Variants in RFX7 observed in about 807,000 individuals in gnomAD.
RFX7 encodes the protein regulatory factor X7, also known as DNA-binding protein RFX7.
A neutral mutation model predicts 111.8 loss-of-function variants in RFX7; 26 were observed. That is an observed-to-expected ratio of 0.23 (90% CI 0.17 to 0.32). RFX7 has a LOEUF of 0.32. RFX7 is among the 10% of genes least tolerant of loss of function. The pLI is 1.00. For synonymous variants in RFX7, 624 were observed against 624.4 expected (o/e 1.00, Z 0.01); for missense variants, 1,573 against 1,772.9 (o/e 0.89, Z 2.02).
chr15:56,231,207 A>G (rs1329177639), intron 2 of RFX7, among the ~76,000 whole-genome samples: 2 of 152,192 alleles, frequency 1.3e-5, no homozygotes, highest in Admixed American at 6.5e-5. Flanking sequence ...CAGAACAGCT[A>G]TGTTGCTGCT....
At chr15:56,169,180 G>A (rs1279805826) in intron 3 of RFX7, among the ~76,000 whole-genome samples, 1 of 152,186 alleles carries the variant, frequency 6.6e-6, no homozygotes, top group East Asian at 1.9e-4. Context: ...ACAAAGGCCT[G>A]GAGAGGGAGG....
intron 5 of RFX7, among the ~76,000 whole-genome samples, chr15:56,108,277 C>A (rs1431628297): frequency 1.3e-5 from 2 of 152,166 alleles, no homozygotes; most frequent in African/African-American, 4.8e-5. Flanking sequence ...GTATCCCTGA[C>A]GAACATCAAT....
At chr15:56,135,499 T>C (rs1320061550) in intron 5 of RFX7, among the ~76,000 whole-genome samples, 2 of 152,030 alleles carry the variant, frequency 1.3e-5, no homozygotes, top group Non-Finnish European at 2.9e-5. Context: ...GAGTTCATTG[T>C]AGATTCTGGA....
chr15:56,172,795 A>G (rs1022448889), intron 3 of RFX7, among the ~76,000 whole-genome samples: 9 of 152,232 alleles, frequency 5.9e-5, no homozygotes, highest in African/African-American at 2.2e-4. Context: ...ATAAATCACT[A>G]AAGAAAAAGA....
intron 5 of RFX7, among the ~76,000 whole-genome samples, chr15:56,114,140 C>G (rs777217153): frequency 6.6e-6 from 1 of 152,068 alleles, no homozygotes; most frequent in Admixed American, 6.5e-5. Context: ...TGTGGTGGCT[C>G]ATGCCTGTAT....
At chr15:56,225,261 C>G (rs1299249226) in intron 2 of RFX7, among the ~76,000 whole-genome samples, 1 of 152,064 alleles carries the variant, frequency 6.6e-6, no homozygotes, top group African/African-American at 2.4e-5. Flanking sequence ...CACATGTAAC[C>G]TCAGCTATAT....
At chr15:56,108,638 C>G (rs1028318851) in intron 5 of RFX7, among the ~76,000 whole-genome samples, 1 of 152,096 alleles carries the variant, frequency 6.6e-6, no homozygotes, top group East Asian at 1.9e-4. Flanking sequence ...AAAACCGGCA[C>G]AAGACAAGAA....
chr15:56,103,758 C>T (rs1337362333), intron 5 of RFX7, 88 bp from the exon 6 acceptor site: 2 of 730,130 alleles, frequency 2.7e-6, no homozygotes, highest in Non-Finnish European at 4.5e-6. Flanking sequence ...ATCCTTCTGA[C>T]AAAGTGAAGC....
chr15:56,243,065 C>CCCCA, intron 2 of RFX7, 60 bp downstream of exon 2: 2 of 1,152,164 alleles, frequency 1.7e-6, no homozygotes, highest in Non-Finnish European at 2.4e-6. Flanking sequence ...CGCCCCCCAC[C>CCCCA]CACTTTGCAG....
intron 5 of RFX7, among the ~76,000 whole-genome samples, chr15:56,142,368 A>G (rs2042412339): frequency 6.6e-6 from 1 of 152,172 alleles, no homozygotes; most frequent in Non-Finnish European, 1.5e-5. Context: ...AGATTCATGA[A>G]AAGGGCCTTT....
rs184566922 is a variant in RFX7, at chr15:56,177,465, C to T, written c.195+1805G>A. Among the ~76,000 whole-genome samples the T allele has an allele frequency of 3.9e-5, 6 of 152,264 alleles. No homozygotes were observed. The East Asian group carries it at 1.2e-3, about 29-fold the overall frequency. Reference sequence around the variant, plus strand: ...GGAGAGATCTTAGTATCTTGTTCATCACTGTATGTCCAGGACCTAACACAA... The same window carrying T: ...GGAGAGATCTTAGTATCTTGTTCATTACTGTATGTCCAGGACCTAACACAA... On this transcript the variant is annotated intron_variant, in intron 3 of 9. Transcript: ENST00000559447.
At chr15:56,108,443 CA>C (rs1411514287) in intron 5 of RFX7, among the ~76,000 whole-genome samples, 2 of 152,084 alleles carry the variant, frequency 1.3e-5, no homozygotes, top group African/African-American at 4.8e-5. Flanking sequence ...GAACCAATGA[CA>C]AAAACCACAT....
intron 8 of RFX7, among the ~76,000 whole-genome samples, chr15:56,098,919 T>C (rs913972820): frequency 6.6e-6 from 1 of 152,222 alleles, no homozygotes; most frequent in Non-Finnish European, 1.5e-5. Flanking sequence ...ATAGGCACTA[T>C]TATTTTATTG....
At chr15:56,119,939 T>G (rs2042055672) in intron 5 of RFX7, among the ~76,000 whole-genome samples, 2 of 152,284 alleles carry the variant, frequency 1.3e-5, no homozygotes, top group South Asian at 4.1e-4. Flanking sequence ...GAAGGTAATG[T>G]GATTAGTCCA....
intron 2 of RFX7, among the ~76,000 whole-genome samples, chr15:56,215,366 G>A (rs372996426): frequency 3.3e-4 from 50 of 152,260 alleles, no homozygotes; most frequent in African/African-American, 1.1e-3. Flanking sequence ...AGTTAAAGAA[G>A]TCCCCTTCTG....
intron 2 of RFX7, among the ~76,000 whole-genome samples, chr15:56,188,330 A>C (rs937717112): frequency 6.6e-6 from 1 of 152,196 alleles, no homozygotes; most frequent in Non-Finnish European, 1.5e-5. Context: ...AAGTGGTCTA[A>C]CTATGTACAA....
intron 5 of RFX7, among the ~76,000 whole-genome samples, chr15:56,112,096 T>C (rs1408461697): frequency 1.3e-4 from 19 of 142,100 alleles, no homozygotes; most frequent in Admixed American, 4.4e-4. Flanking sequence ...GGCTGGGCAA[T>C]AGAGGGACAC....
At chr15:56,237,856 C>T (rs7163119) in intron 2 of RFX7, among the ~76,000 whole-genome samples, 4,505 of 152,222 alleles carry the variant, frequency 0.03, 256 homozygotes, top group African/African-American at 0.1. Context: ...GAACCAGAAA[C>T]CATGTTGGGA....
intron 3 of RFX7, 74 bp from the exon 4 acceptor site, chr15:56,144,557 A>G (rs1595962916): frequency 3.1e-6 from 2 of 655,594 alleles, no homozygotes; most frequent in South Asian, 2.9e-5. Context: ...ATTTACTAAC[A>G]TCTCCCTAAA....
Sources: gnomAD v4.1 joint callset for allele counts (sites outside exome capture counted in the v4.1 genomes callset) on GRCh38, gnomAD v4.1.1 for gene constraint, MANE v1.5 for transcripts, NCBI Gene and HGNC (gene_info 2026-07-23, HGNC 2026-07-21) for gene names.